The following PLEKHG7 variants were observed in gnomAD, a reference collection of about 807,000 sequenced individuals.
PLEKHG7 encodes pleckstrin homology and RhoGEF domain containing G7, also known as pleckstrin homology domain-containing family G member 7.
PLEKHG7 carries 77 observed loss-of-function variants against 85.2 expected under a neutral mutation model. That is an observed-to-expected ratio of 0.90 (90% CI 0.75 to 1.09). PLEKHG7 has a LOEUF of 1.09. Among genes scored for constraint, PLEKHG7 ranks in the 50% least tolerant of loss-of-function variants. The pLI is 0.00. For missense variants in PLEKHG7, 777 were observed against 804.3 expected (o/e 0.97, Z 0.41); for synonymous variants, 301 against 302.4 (o/e 1.00, Z 0.05).
chr12:92,740,590 G>A lies in PLEKHG7; in HGVS notation c.940-263G>A, dbSNP rs192652963. The stretch of plus-strand genomic sequence containing the variant: ...CACTAGAAGTAGAGGAAGCCCATTT[G>A]GACAGATTATGTTCAATAGGAATGT... On this transcript the variant is annotated intron_variant, in intron 7 of 16. Transcript: ENST00000344636. 1.4e-3 allele frequency among the ~76,000 whole-genome samples: 209 copies of A among 152,250 alleles called. 1 individual carries two copies. The highest frequency in any genetic ancestry group is 2.3e-3 in the Non-Finnish European group (154 of 68,016).
chr12:92,710,974 T>C (rs564476471), intron 3 of PLEKHG7, among the ~76,000 whole-genome samples: 1 of 152,216 alleles, frequency 6.6e-6, no homozygotes, highest in South Asian at 2.1e-4. Flanking sequence ...CTCAGAGAGG[T>C]CTATCCACAT....
intron 1 of PLEKHG7, among the ~76,000 whole-genome samples, chr12:92,704,207 C>T (rs533666531): frequency 5.9e-5 from 9 of 151,544 alleles, no homozygotes; most frequent in African/African-American, 1.7e-4. Context: ...GGTTACAGTG[C>T]GATATGATCA....
At chr12:92,768,924 ATTGT>A (rs1234586492) in intron 15 of PLEKHG7, 55 bp from the exon 16 acceptor site, 1 of 1,228,490 alleles carries the variant, frequency 8.1e-7, no homozygotes, top group Non-Finnish European at 1.1e-6. Flanking sequence ...GTACTAAGAA[ATTGT>A]TTGGATTTCA....
intron 14 of PLEKHG7, among the ~76,000 whole-genome samples, 171 bp downstream of exon 14, chr12:92,762,002 G>GTAAATAAATAAA (rs61049024): frequency 2.0e-4 from 31 of 151,844 alleles, no homozygotes; most frequent in African/African-American, 6.5e-4. Context: ...AAGCTCTGAA[G>GTAAATAAATAAA]TAAATAAATA....
intron 10 of PLEKHG7, among the ~76,000 whole-genome samples, chr12:92,748,068 A>G (rs976704894): frequency 6.6e-6 from 1 of 152,252 alleles, no homozygotes; most frequent in African/African-American, 2.4e-5. Flanking sequence ...AAATGATGTT[A>G]ATAATTATGG....
At chr12:92,762,967 T>G (rs1873081709) in intron 14 of PLEKHG7, among the ~76,000 whole-genome samples, 1 of 152,184 alleles carries the variant, frequency 6.6e-6, no homozygotes, top group South Asian at 2.1e-4. Flanking sequence ...CCTCCCATTA[T>G]AAGTTACTCA....
rs1565800314 is a variant in PLEKHG7, at chr12:92,771,374, A to G, written c.*1179A>G. ...TCCTTGAGGAAGGTGAAATTTCACT[A>G]TGCAAACAAAGCAGTAAAGACAAGT... On this transcript the variant is annotated 3_prime_UTR_variant, in exon 17 of 17. Coordinates refer to ENST00000344636, the MANE Select transcript of PLEKHG7 (RefSeq NM_001377329.1). 6.6e-6 allele frequency: 1 copy of G among 152,106 alleles called. No individual in the cohort carries two copies. Among genetic ancestry groups the G allele is most frequent in the African/African-American group, 2.4e-5 (1 of 41,448 alleles). 9.4% of individuals were successfully genotyped at this position (152,106 alleles called of 1,614,324 possible).
chr12:92,707,450 A>T, intron 2 of PLEKHG7, 200 bp from the exon 3 acceptor site: 1 of 1,434,870 alleles, frequency 7.0e-7, no homozygotes. Context: ...CCTCTTGCAA[A>T]TGCACACTAT....
intron 5 of PLEKHG7, among the ~76,000 whole-genome samples, chr12:92,733,433 A>T (rs978238139): frequency 7.9e-5 from 12 of 152,212 alleles, no homozygotes; most frequent in African/African-American, 2.9e-4. Context: ...CCAAAAATAA[A>T]ACGTTTATAT....
Position 92,707,008 on chromosome 12 carries a change from C to T in PLEKHG7, c.377C>T (p.Thr126Ile), listed in dbSNP as rs1242635697. The change falls in exon 2 of 17, where the codon ACC becomes ATC. Residue 126 changes from threonine (T) to isoleucine (I), a missense_variant. Coordinates refer to ENST00000344636, the MANE Select transcript of PLEKHG7 (RefSeq NM_001377329.1). Reference sequence around the variant, plus strand: ...GCAGCTGACTCACTGGAGCCCCAAACCCGGCCCACTGACAAGTATCTCCCT... The same window carrying T: ...GCAGCTGACTCACTGGAGCCCCAAATCCGGCCCACTGACAAGTATCTCCCT... The part of the protein sequence containing the change: ...LNAADSLEPQ[T>I]RPTDKYLPPE... The T allele has an allele frequency of 3.7e-6, 6 of 1,613,978 alleles. No individual in the cohort carries two copies. The highest frequency in any genetic ancestry group is 1.7e-5 in the Admixed American group (1 of 60,006).
Position 92,754,124 on chromosome 12 carries a change from A to G in PLEKHG7, c.1286A>G (p.His429Arg), listed in dbSNP as rs1872761123. ...CAGAATGAACAATGCAGACGGCTCC[A>G]CGTGCCAGAGCTGCTAGTGGCCCCA... is the stretch of plus-strand genomic sequence containing the variant. Reference protein sequence around the residue: ...CEQNEQCRRLHVPELLVAPLQ... With the variant: ...CEQNEQCRRLRVPELLVAPLQ... Residue 429 changes from histidine (H) to arginine (R), a missense_variant, in exon 11 of 17, where the codon CAC becomes CGC. His to Arg is a conservative substitution (Grantham distance 29). Around this residue, in one of 3 missense-constraint regions of PLEKHG7, gnomAD observed 520 missense variants for 544.0 expected, o/e 0.96. Coordinates refer to ENST00000344636, the MANE Select transcript of PLEKHG7 (RefSeq NM_001377329.1). 3 of 1,613,982 alleles carry G rather than the reference A, an allele frequency of 1.9e-6. No homozygotes were observed. Among genetic ancestry groups the G allele is most frequent in the Non-Finnish European group, 2.5e-6 (3 of 1,179,922 alleles).
chr12:92,718,344 G>GT (rs1871545370), intron 3 of PLEKHG7, among the ~76,000 whole-genome samples: 1 of 152,160 alleles, frequency 6.6e-6, no homozygotes, highest in South Asian at 2.1e-4. Context: ...TGGTGCAAAA[G>GT]TAATTACGGG....
chr12:92,735,960 T>A (rs1872133558), intron 5 of PLEKHG7, among the ~76,000 whole-genome samples: 1 of 152,194 alleles, frequency 6.6e-6, no homozygotes, highest in Non-Finnish European at 1.5e-5. Context: ...AGTGGGTGAT[T>A]CCATTCTAAG....
chr12:92,741,570 A>G lies in PLEKHG7; in HGVS notation c.1115A>G (p.Asp372Gly). 1 of 1,612,992 alleles carries G rather than the reference A, an allele frequency of 6.2e-7. No individual in the cohort carries two copies. The highest frequency in any genetic ancestry group is 1.7e-4 in the Middle Eastern group (1 of 6,052). The change falls in exon 9 of 17, where the codon GAT (aspartate) becomes GGT (glycine). Residue 372 changes from aspartate to glycine, a missense_variant. By Grantham distance (94) the Asp-to-Gly change is moderately conservative. This residue lies in a region of PLEKHG7 where 520 missense variants were observed against 544.0 expected (regional missense o/e 0.96). Transcript: ENST00000344636. The part of the protein sequence containing the change: ...VDASEISSSL[D>G]FISVLTKYFR... ...GCTTCTGAGATTTCCTCATCACTGGATTTTATTTCCGTGCTCACAAAGGTA... is the reference window on the plus strand; with the variant it reads ...GCTTCTGAGATTTCCTCATCACTGGGTTTTATTTCCGTGCTCACAAAGGTA...
intron 10 of PLEKHG7, among the ~76,000 whole-genome samples, chr12:92,750,692 G>A (rs188338726): frequency 2.4e-4 from 37 of 152,262 alleles, no homozygotes; most frequent in Non-Finnish European, 4.6e-4. Context: ...GCTGCTGCCC[G>A]TGAGTCAACA....
chr12:92,727,227 G>A (rs568204155), intron 3 of PLEKHG7, among the ~76,000 whole-genome samples: 3 of 152,254 alleles, frequency 2.0e-5, no homozygotes, highest in East Asian at 1.9e-4. Flanking sequence ...CCATGAACCT[G>A]CCTAATTCAG....
intron 3 of PLEKHG7, chr12:92,721,351 A>C: frequency 6.4e-4 from 438 of 683,436 alleles, no homozygotes; most frequent in East Asian, 1.7e-3. Context: ...TTGGGGGGGA[A>C]TTCCCGGGAT....
chr12:92,762,888 C>T (rs1873078499), intron 14 of PLEKHG7, among the ~76,000 whole-genome samples: 1 of 152,112 alleles, frequency 6.6e-6, no homozygotes. Context: ...CTATGAATAG[C>T]TAATCGGTGG....
rs776506370 is a variant in PLEKHG7, at chr12:92,769,076, T to C, written c.1964T>C (p.Ile655Thr). 6.4e-7 allele frequency: 1 copy of C among 1,566,148 alleles called. No individual in the cohort carries two copies. Among genetic ancestry groups the C allele is most frequent in the Non-Finnish European group, 8.8e-7 (1 of 1,140,166 alleles). ...AFLLQAQTEN[I>T]KKTWMAQITT... The stretch of plus-strand genomic sequence containing the variant: ...TTATTACAAGCCCAAACGGAAAACA[T>C]CAAAGTATGTATTTTAATTTTGTAG... Residue 655 changes from isoleucine (I) to threonine (T), a missense_variant, in exon 16 of 17, where the codon ATC (isoleucine) becomes ACC (threonine). Transcript: ENST00000344636.
Sources: gnomAD v4.1 joint callset for allele counts (sites outside exome capture counted in the v4.1 genomes callset) on GRCh38, gnomAD v4.1.1 for gene constraint, gnomAD v4.1.1 regional missense constraint, MANE v1.5 for transcripts, NCBI Gene and HGNC (gene_info 2026-07-23, HGNC 2026-07-21) for gene names.